Variants in KATNBL1 observed in about 807,000 individuals in gnomAD.
The protein encoded by KATNBL1 is KATNB1-like protein 1.
Under a neutral mutation model 44.7 loss-of-function variants are expected in KATNBL1, and 28 were observed. The ratio of observed to expected loss-of-function variants is 0.63; its 90% CI spans 0.46 to 0.86. KATNBL1 has a LOEUF of 0.86. Ranked by LOEUF, KATNBL1 falls within the 40% of genes least tolerant of loss-of-function variation. KATNBL1 has a pLI of 0.00. For missense variants in KATNBL1, 272 were observed against 350.7 expected, an observed-to-expected ratio of 0.78 and a Z score of 1.79; for synonymous variants, 78 against 114.9, an observed-to-expected ratio of 0.68 and a Z score of 2.06.
intron 1 of KATNBL1, among the ~76,000 whole-genome samples, chr15:34,200,089 G>T (rs7180920): frequency 0.79 from 120,719 of 152,084 alleles, 48,761 homozygotes; most frequent in Non-Finnish European, 0.87. Flanking sequence ...GAGCACTGAT[G>T]GGTGCATTTA....
intron 2 of KATNBL1, among the ~76,000 whole-genome samples, chr15:34,158,915 T>C (rs1888716053): frequency 6.6e-6 from 1 of 152,220 alleles, no homozygotes; most frequent in South Asian, 2.1e-4. Context: ...GACTTTAGTA[T>C]GACAATTAAA....
chr15:34,205,623 T>C (rs566013085), intron 1 of KATNBL1, among the ~76,000 whole-genome samples: 1 of 152,286 alleles, frequency 6.6e-6, no homozygotes, highest in African/African-American at 2.4e-5. Flanking sequence ...TTTTACATTG[T>C]AGGAATGATG....
intron 1 of KATNBL1, among the ~76,000 whole-genome samples, chr15:34,179,328 CTTT>C (rs1889448196): frequency 6.6e-6 from 1 of 152,164 alleles, no homozygotes. Context: ...AACAAACCCA[CTTT>C]AACAATAATG....
chr15:34,148,690 C>T lies in KATNBL1; in HGVS notation c.499G>A (p.Val167Ile). Residue 167 changes from valine (V) to isoleucine (I), a missense_variant, in exon 5 of 10, where the codon GTA (valine) becomes ATA (isoleucine). Val to Ile is a conservative substitution (Grantham distance 29, BLOSUM62 3). This residue lies in a region of KATNBL1 where 111 missense variants were observed against 149.3 expected (regional missense o/e 0.74). Coordinates refer to ENST00000256544, the MANE Select transcript of KATNBL1 (RefSeq NM_024713.3). ...CTCTTTCTCCAGAAAGTTAAAGCTA[C>T]ATTCAATCTCATATTCCTGCTGAAC... ...VLFSRNMRLN[V>I]ALTFWRKRSI... 3 of 1,612,960 alleles carry T rather than the reference C, an allele frequency of 1.9e-6. No homozygotes were observed. The highest frequency in any genetic ancestry group is 2.5e-6 in the Non-Finnish European group (3 of 1,178,950).
intron 2 of KATNBL1, among the ~76,000 whole-genome samples, chr15:34,161,914 G>A (rs572461002): frequency 6.6e-6 from 1 of 152,232 alleles, no homozygotes; most frequent in East Asian, 1.9e-4. Flanking sequence ...CAAAATATAA[G>A]GAAGCTGAAC....
At chr15:34,145,233 C>T in intron 9 of KATNBL1, 165 bp downstream of exon 9, 1 of 1,399,570 alleles carries the variant, frequency 7.1e-7, no homozygotes, top group Non-Finnish European at 9.5e-7. Context: ...CTGCCAAGGT[C>T]ACAGTTACAC....
chr15:34,175,468 T>A (rs1889301190), intron 1 of KATNBL1, among the ~76,000 whole-genome samples: 1 of 152,226 alleles, frequency 6.6e-6, no homozygotes, highest in African/African-American at 2.4e-5. Context: ...TTTCTCTAGA[T>A]GACAACGTAC....
intron 9 of KATNBL1, chr15:34,143,152 T>C (rs1403351800): frequency 1.9e-6 from 1 of 512,852 alleles, no homozygotes; most frequent in Non-Finnish European, 3.0e-6. Context: ...CTTAAAGTCA[T>C]ATTCACAATA....
chr15:34,147,504 C>T, intron 5 of KATNBL1, 74 bp from the exon 6 acceptor site: 1 of 1,189,508 alleles, frequency 8.4e-7, no homozygotes, highest in Non-Finnish European at 1.2e-6. Flanking sequence ...TGATTATTCA[C>T]ACCGCTTTTG....
chr15:34,145,010 G>A, intron 9 of KATNBL1: 2 of 895,420 alleles, frequency 2.2e-6, no homozygotes, highest in Non-Finnish European at 2.7e-6. Context: ...CATAACATTA[G>A]CAAAAGTAAA....
intron 1 of KATNBL1, among the ~76,000 whole-genome samples, chr15:34,201,992 C>A (rs925099065): frequency 2.6e-4 from 40 of 152,220 alleles, no homozygotes; most frequent in African/African-American, 9.6e-4. Context: ...GGAGGATGTG[C>A]AAAGGTTATG....
chr15:34,178,473 A>G (rs1255166933), intron 1 of KATNBL1, among the ~76,000 whole-genome samples: 3 of 152,140 alleles, frequency 2.0e-5, no homozygotes, highest in African/African-American at 7.2e-5. Flanking sequence ...AAGAATTTCA[A>G]TGGGCCGGGC....
At chr15:34,209,525 A>G (rs1890376462) in intron 1 of KATNBL1, 1 of 152,212 alleles carries the variant, frequency 6.6e-6, no homozygotes, top group Non-Finnish European at 1.5e-5. Flanking sequence ...ATCCGTCAGG[A>G]ATCCGAGGAC....
chr15:34,184,855 G>A (rs2140975189), intron 1 of KATNBL1, among the ~76,000 whole-genome samples: 1 of 152,064 alleles, frequency 6.6e-6, no homozygotes, highest in East Asian at 2.0e-4. Flanking sequence ...TTACAGGCAT[G>A]AGCCACTGTG....
intron 2 of KATNBL1, among the ~76,000 whole-genome samples, chr15:34,158,218 T>G (rs747926045): frequency 2.6e-5 from 4 of 152,190 alleles, no homozygotes; most frequent in Admixed American, 6.5e-5. Context: ...GCATCACACA[T>G]AGCTTGAGGT....
intron 4 of KATNBL1, among the ~76,000 whole-genome samples, chr15:34,151,435 A>ATTT (rs1491367010): frequency 0.011 from 715 of 63,790 alleles, 58 homozygotes; most frequent in Non-Finnish European, 0.017. Flanking sequence ...TCCTTTGCCT[A>ATTT]CTTTTTTTTT....
intron 2 of KATNBL1, among the ~76,000 whole-genome samples, chr15:34,158,276 A>G (rs1362143939): frequency 6.6e-6 from 1 of 152,212 alleles, no homozygotes; most frequent in Non-Finnish European, 1.5e-5. Context: ...TCATAAGGGA[A>G]TTGGATAACA....
intron 1 of KATNBL1, among the ~76,000 whole-genome samples, chr15:34,170,022 C>T (rs1889110044): frequency 6.6e-6 from 1 of 152,184 alleles, no homozygotes; most frequent in African/African-American, 2.4e-5. Flanking sequence ...CCTTTGAAAA[C>T]TGGCACAAGA....
At chr15:34,167,228 AT>A (rs1385720036) in intron 1 of KATNBL1, among the ~76,000 whole-genome samples, 1 of 152,244 alleles carries the variant, frequency 6.6e-6, no homozygotes, top group African/African-American at 2.4e-5. Flanking sequence ...GTTAACTAGA[AT>A]AACCAGTGTA....
Sources: gnomAD v4.1 joint callset for allele counts (sites outside exome capture counted in the v4.1 genomes callset) on GRCh38, gnomAD v4.1.1 for gene constraint, gnomAD v4.1.1 regional missense constraint, MANE v1.5 for transcripts, NCBI Gene and HGNC (gene_info 2026-07-23, HGNC 2026-07-21) for gene names.